Variants in MKKS observed in about 807,000 individuals in gnomAD.
MKKS encodes the protein MKKS centrosomal shuttling protein, also known as molecular chaperone MKKS.
In MKKS, 29 loss-of-function variants were observed where a neutral mutation model predicts 33.2. That is an observed-to-expected ratio of 0.87 (90% CI 0.65 to 1.19). The LOEUF is 1.19. Among genes scored for constraint, MKKS ranks in the 50% most tolerant of loss-of-function variants. The pLI is 0.00. For missense variants in MKKS, 661 were observed against 662.3 expected (o/e 1.00, Z 0.02); for synonymous variants, 260 against 244.0 (o/e 1.07, Z -0.61).
intron 1 of MKKS, among the ~76,000 whole-genome samples, chr20:10,421,237 C>T (rs548708688): frequency 6.6e-6 from 1 of 152,098 alleles, no homozygotes; most frequent in South Asian, 2.1e-4. Context: ...CGAGACCAGC[C>T]TAGCCAACAC....
Position 10,413,339 on chromosome 20 carries a change from T to TGTGA in MKKS, c.172_175dup (p.Gln59LeufsTer33), listed in dbSNP as rs1600849412. ...AAGGTGACTGAGCAGAGCTGAGGAC[T>TGTGA]GTGAGGTTGTACACACGTAACCTCC... On this transcript the variant is annotated frameshift_variant, in exon 3 of 6. Coordinates refer to ENST00000347364, the MANE Select transcript of MKKS (RefSeq NM_170784.3). LOFTEE classifies it high-confidence loss of function. 6.2e-7 allele frequency: 1 copy of TGTGA among 1,614,174 alleles called. No homozygotes were observed. Among genetic ancestry groups the TGTGA allele is most frequent in the Non-Finnish European group, 8.5e-7 (1 of 1,179,998 alleles).
intron 1 of MKKS, among the ~76,000 whole-genome samples, chr20:10,429,674 C>T (rs1755907375): frequency 6.6e-6 from 1 of 152,196 alleles, no homozygotes; most frequent in Admixed American, 6.5e-5. Flanking sequence ...TGCTCCTCAT[C>T]AACTCACTCA....
At chr20:10,409,977 C>CAAAAAAA (rs58776463) in intron 3 of MKKS, among the ~76,000 whole-genome samples, 5 of 54,230 alleles carry the variant, frequency 9.2e-5, no homozygotes, top group Non-Finnish European at 1.2e-4. Context: ...GACTTTGTCT[C>CAAAAAAA]AAAAAAAAAA....
Position 10,412,868 on chromosome 20 carries a change from G to A in MKKS, c.647C>T (p.Pro216Leu). ...GQRVIDSTVL[P>L]GILIEMSEVQ... ...TTCTGACATTTCAATGAGTATCCCA[G>A]GTAATACAGTGGAATCTATAACTCT... is the stretch of plus-strand genomic sequence containing the variant. Residue 216 changes from proline (P) to leucine (L), a missense_variant, in exon 3 of 6, where the codon CCT becomes CTT. Coordinates refer to ENST00000347364, the MANE Select transcript of MKKS (RefSeq NM_170784.3). 1.2e-6 allele frequency: 2 copies of A among 1,614,002 alleles called. No individual in the cohort carries two copies. The highest frequency in any genetic ancestry group is 1.7e-6 in the Non-Finnish European group (2 of 1,179,980).
intron 2 of MKKS, among the ~76,000 whole-genome samples, chr20:10,415,760 A>AT (rs1468815578): frequency 6.6e-6 from 1 of 152,246 alleles, no homozygotes; most frequent in East Asian, 1.9e-4. Context: ...TTCAATACTT[A>AT]ATAGTGTCAT....
intron 2 of MKKS, among the ~76,000 whole-genome samples, chr20:10,417,144 G>A (rs893252556): frequency 1.1e-4 from 16 of 151,616 alleles, no homozygotes; most frequent in African/African-American, 3.2e-4. Context: ...CCAGTTACTC[G>A]GGAGGTTGAA....
At position 10,429,863 on chromosome 20, in the gene MKKS, C is replaced by T. The variant is rs1239949334; in HGVS notation, c.-649+4245G>A. 2.6e-5 allele frequency among the ~76,000 whole-genome samples: 4 copies of T among 152,156 alleles called. No homozygotes were observed. In the East Asian group the frequency reaches 7.7e-4, roughly 29 times the overall value. On this transcript the variant is annotated intron_variant, in intron 1 of 5. Transcript: ENST00000347364. ...GGAATTTACTAGAAATGCAAATTAT[C>T]AAGCTGCCCCTCCTGACCTACTGAG...
At position 10,405,121 on chromosome 20, in the gene MKKS, T is replaced by A; in HGVS notation, c.*126A>T. The A allele has an allele frequency of 1.4e-6, 1 of 715,504 alleles. No homozygotes were observed. The highest frequency in any genetic ancestry group is 2.2e-6 in the Non-Finnish European group (1 of 448,560). 44.3% of individuals were successfully genotyped at this position (715,504 alleles called of 1,614,324 possible). ...TTTCCTAAATAAGTGTATCTATAATTTTATGAGTCATTTGTCCAAATATGT... is the reference window on the plus strand; with the variant it reads ...TTTCCTAAATAAGTGTATCTATAATATTATGAGTCATTTGTCCAAATATGT... On this transcript the variant is annotated 3_prime_UTR_variant, in exon 6 of 6. Transcript: ENST00000347364.
intron 4 of MKKS, among the ~76,000 whole-genome samples, chr20:10,408,409 G>A (rs1340678298): frequency 6.6e-6 from 1 of 152,102 alleles, no homozygotes; most frequent in Non-Finnish European, 1.5e-5. Context: ...GGCCTTTTAG[G>A]TTTCTAGTAA....
intron 1 of MKKS, among the ~76,000 whole-genome samples, chr20:10,430,678 T>C (rs547643591): frequency 7.9e-5 from 12 of 152,304 alleles, no homozygotes; most frequent in African/African-American, 2.9e-4. Flanking sequence ...GTGAATCTGG[T>C]AATTAGATTC....
chr20:10,412,685 A>G lies in MKKS; in HGVS notation c.830T>C (p.Leu277Pro), dbSNP rs74315398. The change falls in exon 3 of 6, where the codon CTT (leucine) becomes CCT (proline). Residue 277 changes from leucine (L) to proline (P), a missense_variant. Physicochemically the swap from Leu to Pro is moderately conservative, Grantham distance 98 (BLOSUM62 -3). Transcript: ENST00000347364. ...ACTGATTAGCTGCCTTCCTAGGTTA[A>G]GCAGCTGGTCCAAGACTGCATTTTC... ...SLENAVLDQL[L>P]NLGRQLISDH... 1.2e-4 allele frequency: 196 copies of G among 1,614,076 alleles called. No homozygotes were observed. The highest frequency in any genetic ancestry group is 1.6e-4 in the Non-Finnish European group (186 of 1,180,044).
At chr20:10,425,291 C>T (rs374064133) in intron 1 of MKKS, among the ~76,000 whole-genome samples, 2 of 152,154 alleles carry the variant, frequency 1.3e-5, no homozygotes, top group African/African-American at 4.8e-5. Context: ...ATTATAATGG[C>T]GATATCCTAA....
At chr20:10,410,672 G>A (rs1388398686) in intron 3 of MKKS, among the ~76,000 whole-genome samples, 1 of 152,052 alleles carries the variant, frequency 6.6e-6, no homozygotes, top group Admixed American at 6.6e-5. Flanking sequence ...CTTCACATGT[G>A]GCACCCATCC....
intron 1 of MKKS, among the ~76,000 whole-genome samples, chr20:10,433,224 C>T (rs1392630251): frequency 6.6e-6 from 1 of 152,206 alleles, no homozygotes. Context: ...CTGGCTGGCC[C>T]CAAACTCCTG....
rs1316267589 is a variant in MKKS, at chr20:10,403,633, CA to C, written c.*1613del. On this transcript the variant is annotated 3_prime_UTR_variant, in exon 6 of 6. Coordinates refer to ENST00000347364, the MANE Select transcript of MKKS (RefSeq NM_170784.3). The stretch of plus-strand genomic sequence containing the variant: ...TCACAGCATAAAATTATGGATAAGG[CA>C]TAACCATAACCATCACCATAACATT... 3 of 152,240 alleles carry C rather than the reference CA, an allele frequency of 2.0e-5. No individual in the cohort carries two copies. In the East Asian group the frequency reaches 5.8e-4, roughly 29 times the overall value. The allele number at this position is 152,240 out of a possible 1,614,324, so 9.4% of individuals were successfully genotyped here.
chr20:10,428,798 C>G (rs762463710), intron 1 of MKKS, among the ~76,000 whole-genome samples: 2 of 152,012 alleles, frequency 1.3e-5, no homozygotes, highest in African/African-American at 4.8e-5. Flanking sequence ...GAGTCGAGAT[C>G]GCGCCATTGC....
chr20:10,412,653 C>T lies in MKKS; in HGVS notation c.862G>A (p.Val288Ile), dbSNP rs113032343. The T allele has an allele frequency of 3.7e-5, 60 of 1,614,122 alleles. 1 individual carries two copies. The highest frequency in any genetic ancestry group is 3.5e-4 in the African/African-American group (26 of 75,038). Residue 288 changes from valine to isoleucine, a missense_variant, in exon 3 of 6, where the codon GTA (valine) becomes ATA (isoleucine). Val to Ile is a conservative substitution (Grantham distance 29). Coordinates refer to ENST00000347364, the MANE Select transcript of MKKS (RefSeq NM_170784.3). The part of the protein sequence containing the change: ...NLGRQLISDH[V>I]DLVLCQKVIH... ...ACTTTTTGGCACAGGACAAGATCTA[C>T]GTGGTCACTGATTAGCTGCCTTCCT...
At chr20:10,424,811 G>A (rs977068252) in intron 1 of MKKS, among the ~76,000 whole-genome samples, 5 of 152,040 alleles carry the variant, frequency 3.3e-5, no homozygotes, top group African/African-American at 1.2e-4. Flanking sequence ...CAGCACTTTG[G>A]GAGGCCGAGG....
At chr20:10,415,196 C>T (rs576462265) in intron 2 of MKKS, among the ~76,000 whole-genome samples, 1 of 152,114 alleles carries the variant, frequency 6.6e-6, no homozygotes, top group African/African-American at 2.4e-5. Context: ...TCTGTTGAGG[C>T]CGGGTGTTTT....
Sources: gnomAD v4.1 joint callset for allele counts (sites outside exome capture counted in the v4.1 genomes callset) on GRCh38, gnomAD v4.1.1 for gene constraint, MANE v1.5 for transcripts, NCBI Gene and HGNC (gene_info 2026-07-23, HGNC 2026-07-21) for gene names.